Variants in UBE2W observed in about 807,000 individuals in gnomAD.
UBE2W encodes ubiquitin conjugating enzyme E2 W.
A neutral mutation model predicts 27.2 loss-of-function variants in UBE2W; 18 were observed. The observed-to-expected ratio is 0.66, with a 90% confidence interval of 0.46 to 0.98. The LOEUF (loss-of-function observed/expected upper bound fraction) is 0.98, where lower values mean the gene tolerates loss of function less well. UBE2W is among the 50% of genes least tolerant of loss of function. The probability of loss-of-function intolerance (pLI) is 0.00; values close to 1 mark genes in which losing one functional copy is unlikely to be tolerated. For synonymous variants in UBE2W, 53 were observed against 57.2 expected, an observed-to-expected ratio of 0.93 and a Z score of 0.33; for missense variants, 90 against 180.2, an observed-to-expected ratio of 0.50 and a Z score of 2.87.
downstream of UBE2W, chr8:73,786,200 T>TA (rs933966857): frequency 1.1e-5 from 11 of 984,516 alleles, no homozygotes; most frequent in South Asian, 9.4e-5. Flanking sequence ...GAAACACCTA[T>TA]AAAAAAAGCC....
chr8:73,794,187 T>G, intron 5 of UBE2W, 72 bp from the exon 6 acceptor site: 1 of 1,551,614 alleles, frequency 6.4e-7, no homozygotes, highest in South Asian at 1.2e-5. Flanking sequence ...GTCTGTTTAA[T>G]GTAGAAATAA....
chr8:73,815,975 T>C (rs1259977330), intron 3 of UBE2W, among the ~76,000 whole-genome samples: 1 of 152,234 alleles, frequency 6.6e-6, no homozygotes, highest in East Asian at 1.9e-4. Context: ...CAGATATTTA[T>C]GTATAACATA....
rs948265214 is a variant in UBE2W at position 73,790,289 on chromosome 8, G to C, written c.*3813C>G. On this transcript the variant is annotated 3_prime_UTR_variant, in exon 6 of 6. Coordinates refer to ENST00000602593, the MANE Select transcript of UBE2W (RefSeq NM_018299.6). ...CAGAAAAATAGGAAGAAAAATAAAGGACAGATTTAAAACAATTTAAAAAGG... is the reference window on the plus strand; with the variant it reads ...CAGAAAAATAGGAAGAAAAATAAAGCACAGATTTAAAACAATTTAAAAAGG... 3.0e-6 allele frequency: 3 copies of C among 985,210 alleles called. No individual in the cohort carries two copies. The highest frequency in any genetic ancestry group is 1.7e-5 in the African/African-American group (1 of 57,208). The allele number at this position is 985,210 out of a possible 1,614,324, so 61.0% of individuals were successfully genotyped here. A position where few individuals can be genotyped will look rare whatever the true frequency, so the allele number is the denominator to read the frequency against.
At chr8:73,860,131 C>T (rs1034645631) in intron 1 of UBE2W, among the ~76,000 whole-genome samples, 6 of 145,562 alleles carry the variant, frequency 4.1e-5, no homozygotes, top group Non-Finnish European at 9.0e-5. Context: ...AAAAAATCTA[C>T]TATGGGGGGC....
intron 1 of UBE2W, among the ~76,000 whole-genome samples, chr8:73,836,643 T>A (rs1269570167): frequency 2.0e-5 from 3 of 152,210 alleles, no homozygotes; most frequent in Non-Finnish European, 4.4e-5. Flanking sequence ...TTTGTAAATA[T>A]GAAGAACTAG....
chr8:73,858,434 GA>G (rs1335774636), intron 1 of UBE2W, among the ~76,000 whole-genome samples: 3 of 149,608 alleles, frequency 2.0e-5, no homozygotes, highest in African/African-American at 7.4e-5. Context: ...TAAGAAATAT[GA>G]AAAGTACAAA....
chr8:73,788,438 T>G lies in UBE2W; in HGVS notation c.*5664A>C. 1.0e-6 allele frequency: 1 copy of G among 985,442 alleles called. No homozygotes were observed. The highest frequency in any genetic ancestry group is 1.2e-6 in the Non-Finnish European group (1 of 829,922). 61.0% of individuals were successfully genotyped at this position (985,442 alleles called of 1,614,324 possible). A position where few individuals can be genotyped will look rare whatever the true frequency, so the allele number is the denominator to read the frequency against. ...TAAAACAAACAAATTCATTTTGACCTGAACATGCATTTAGTTTTTGGCTAC... is the reference window on the plus strand; with the variant it reads ...TAAAACAAACAAATTCATTTTGACCGGAACATGCATTTAGTTTTTGGCTAC... On this transcript the variant is annotated 3_prime_UTR_variant, in exon 6 of 6. Coordinates refer to ENST00000602593, the MANE Select transcript of UBE2W (RefSeq NM_018299.6).
chr8:73,834,729 C>A (rs562307915), intron 1 of UBE2W, among the ~76,000 whole-genome samples: 1 of 151,900 alleles, frequency 6.6e-6, no homozygotes, highest in Admixed American at 6.6e-5. Flanking sequence ...GGCAACATGG[C>A]GAAACCTCGT....
At chr8:73,843,810 A>C (rs1810648020) in intron 1 of UBE2W, among the ~76,000 whole-genome samples, 1 of 151,918 alleles carries the variant, frequency 6.6e-6, no homozygotes, top group Non-Finnish European at 1.5e-5. Flanking sequence ...TAGAGAACAG[A>C]AAGCAACATT....
Position 73,792,078 on chromosome 8 carries a change from A to G in UBE2W, c.*2024T>C. 1 of 985,312 alleles carries G rather than the reference A, an allele frequency of 1.0e-6. No individual in the cohort carries two copies. Among genetic ancestry groups the G allele is most frequent in the African/African-American group, 1.7e-5 (1 of 57,368 alleles). 61.0% of individuals were successfully genotyped at this position (985,312 alleles called of 1,614,324 possible). ...TCTCCCTAACCCCCAGAAGAAGATC[A>G]AGTCAAACAGTAGTGTAGAGCAGTT... is the stretch of plus-strand genomic sequence containing the variant. On this transcript the variant is annotated 3_prime_UTR_variant, in exon 6 of 6. Coordinates refer to ENST00000602593, the MANE Select transcript of UBE2W (RefSeq NM_018299.6).
At chr8:73,865,127 G>A (rs1464443910) in intron 1 of UBE2W, among the ~76,000 whole-genome samples, 2 of 144,606 alleles carry the variant, frequency 1.4e-5, no homozygotes, top group African/African-American at 5.3e-5. Context: ...CCTCAGCTGG[G>A]AGTGTGTGCA....
At chr8:73,870,181 G>A in intron 1 of UBE2W, 2 of 1,351,844 alleles carry the variant, frequency 1.5e-6, no homozygotes, top group Non-Finnish European at 2.1e-6. Flanking sequence ...TGCATTAAAA[G>A]GATGTCAAAA....
intron 1 of UBE2W, among the ~76,000 whole-genome samples, chr8:73,876,797 C>G (rs1039204043): frequency 6.6e-6 from 1 of 152,022 alleles, no homozygotes; most frequent in Non-Finnish European, 1.5e-5. Context: ...GAAGAAACCC[C>G]GTCTCTACTG....
Position 73,787,342 on chromosome 8 carries a change from A to T in UBE2W, c.*6760T>A. 1.0e-6 allele frequency: 1 copy of T among 985,454 alleles called. No homozygotes were observed. The highest frequency in any genetic ancestry group is 1.2e-6 in the Non-Finnish European group (1 of 829,934). The allele number at this position is 985,454 out of a possible 1,614,324, so 61.0% of individuals were successfully genotyped here. On this transcript the variant is annotated 3_prime_UTR_variant, in exon 6 of 6. Coordinates refer to ENST00000602593, the MANE Select transcript of UBE2W (RefSeq NM_018299.6). The stretch of plus-strand genomic sequence containing the variant: ...TGAGTAAGAAATATAGGGAGGACAT[A>T]AACAGAGTCACTTATCCAGGGTAGC...
chr8:73,811,493 TATG>T (rs1274365851), intron 3 of UBE2W, among the ~76,000 whole-genome samples: 1 of 152,176 alleles, frequency 6.6e-6, no homozygotes, highest in Non-Finnish European at 1.5e-5. Flanking sequence ...GCAGAAGTCT[TATG>T]TTTACACTGT....
chr8:73,858,042 T>C (rs1563625596), intron 1 of UBE2W, among the ~76,000 whole-genome samples: 3 of 151,738 alleles, frequency 2.0e-5, no homozygotes, highest in Non-Finnish European at 2.9e-5. Context: ...ATGGCCAACA[T>C]AGTGAAACCC....
In UBE2W at chr8:73,793,324, A is replaced by G; in HGVS notation, c.*778T>C. ...GCCATTTTTCTTACTTCCAAAATAA[A>G]GCCTTGATTAAACCATTCATACCCT... On this transcript the variant is annotated 3_prime_UTR_variant, in exon 6 of 6. Transcript: ENST00000602593. The G allele has an allele frequency of 2.0e-6, 2 of 985,854 alleles. No individual in the cohort carries two copies. The highest frequency in any genetic ancestry group is 2.4e-6 in the Non-Finnish European group (2 of 829,906). The allele number at this position is 985,854 out of a possible 1,614,324, so 61.1% of individuals were successfully genotyped here. A position where few individuals can be genotyped will look rare whatever the true frequency, so the allele number is the denominator to read the frequency against.
intron 1 of UBE2W, among the ~76,000 whole-genome samples, chr8:73,832,332 C>G (rs532841973): frequency 6.6e-6 from 1 of 151,898 alleles, no homozygotes; most frequent in Non-Finnish European, 1.5e-5. Context: ...AAAATCATAA[C>G]AAAAAGAAGC....
At chr8:73,807,493 A>C (rs899704863) in intron 4 of UBE2W, among the ~76,000 whole-genome samples, 1 of 152,216 alleles carries the variant, frequency 6.6e-6, no homozygotes, top group Non-Finnish European at 1.5e-5. Context: ...TAATATTAGT[A>C]ATTTCATTTA....
Sources: allele counts gnomAD v4.1 joint callset (sites outside exome capture counted in the v4.1 genomes callset), GRCh38; gene constraint gnomAD v4.1.1; transcripts MANE v1.5; gene names NCBI Gene and HGNC (gene_info 2026-07-23, HGNC 2026-07-21).